Variants in AKAP7 observed in about 807,000 individuals in gnomAD.
AKAP7 encodes the protein A kinase (PRKA) anchor protein 7.
In AKAP7, 39 loss-of-function variants were observed where a neutral mutation model predicts 39.5. That is an observed-to-expected ratio of 0.99 (90% CI 0.76 to 1.29). The LOEUF (loss-of-function observed/expected upper bound fraction) is 1.29, where lower values mean the gene tolerates loss of function less well. Ranked by LOEUF, AKAP7 falls within the 50% of genes most tolerant of loss-of-function variation. AKAP7 has a pLI of 0.00. For synonymous variants in AKAP7, 140 were observed against 139.1 expected, an observed-to-expected ratio of 1.01 and a Z score of -0.05; for missense variants, 414 against 407.7, an observed-to-expected ratio of 1.02 and a Z score of -0.13.
chr6:131,223,533 T>C (rs560368171), intron 7 of AKAP7, among the ~76,000 whole-genome samples: 2 of 152,190 alleles, frequency 1.3e-5, no homozygotes, highest in African/African-American at 4.8e-5. Context: ...TTAAGGAGAA[T>C]TTTCATCTTT....
intron 7 of AKAP7, among the ~76,000 whole-genome samples, chr6:131,245,424 GT>G (rs1434316338): frequency 7.0e-6 from 1 of 142,410 alleles, no homozygotes; most frequent in African/African-American, 2.6e-5. Flanking sequence ...TTTTTTTTTT[GT>G]TTTTTTGTTT....
At chr6:131,237,164 CAT>C (rs1298658244) in intron 7 of AKAP7, among the ~76,000 whole-genome samples, 5 of 152,240 alleles carry the variant, frequency 3.3e-5, no homozygotes, top group South Asian at 2.1e-4. Context: ...TTAAGATAAT[CAT>C]GTGGTTTTTG....
rs1404358824 is a variant in AKAP7, at chr6:131,187,329, C to T, written c.590-12132C>T. ...AATGTTTCATAGTTTTCAGAATATGCATCTTTCACCTCCTTGGTTAAGTTT... is the reference window on the plus strand; with the variant it reads ...AATGTTTCATAGTTTTCAGAATATGTATCTTTCACCTCCTTGGTTAAGTTT... On this transcript the variant is annotated intron_variant, in intron 5 of 7. Transcript: ENST00000431975. Among the ~76,000 whole-genome samples the T allele has an allele frequency of 3.9e-5, 6 of 152,004 alleles. No individual in the cohort carries two copies. In the East Asian group the frequency reaches 9.6e-4, roughly 24 times the overall value.
rs1302122699 is a variant in AKAP7 at position 131,165,110 on chromosome 6, TG to T, written c.322del (p.Ala108GlnfsTer2). 1 of 1,611,032 alleles carries T rather than the reference TG, an allele frequency of 6.2e-7. No homozygotes were observed. The highest frequency in any genetic ancestry group is 1.3e-5 in the African/African-American group (1 of 74,828). On this transcript the variant is annotated frameshift_variant, in exon 4 of 8. Coordinates refer to ENST00000431975, the MANE Select transcript of AKAP7 (RefSeq NM_016377.4). LOFTEE classifies it high-confidence loss of function. ...IIKGIKILQN[A>X]IIQQDERLAK... is the part of the protein sequence containing the mutation. ...TAAAAGGAATTAAGATCCTGCAGAATGCAATAATACAACAAGATGAGCGACT... is the reference window on the plus strand; with the variant it reads ...TAAAAGGAATTAAGATCCTGCAGAATCAATAATACAACAAGATGAGCGACT...
At chr6:131,206,498 A>G (rs973500592) in intron 6 of AKAP7, among the ~76,000 whole-genome samples, 1 of 152,186 alleles carries the variant, frequency 6.6e-6, no homozygotes, top group African/African-American at 2.4e-5. Flanking sequence ...AGAAGAGGAT[A>G]TAGGACAGTC....
At chr6:131,133,314 T>A (rs891621287), upstream of AKAP7, among the ~76,000 whole-genome samples, 2 of 152,230 alleles carry the variant, frequency 1.3e-5, no homozygotes, top group African/African-American at 4.8e-5. Flanking sequence ...GGTGTTATCC[T>A]TTTATGATGT....
intron 6 of AKAP7, among the ~76,000 whole-genome samples, chr6:131,212,337 A>G (rs957916464): frequency 6.6e-6 from 1 of 152,230 alleles, no homozygotes; most frequent in Non-Finnish European, 1.5e-5. Context: ...TTCTTGCTCT[A>G]TCTGGAGAGA....
chr6:131,200,338 C>T (rs1807435908), intron 6 of AKAP7, among the ~76,000 whole-genome samples: 1 of 152,166 alleles, frequency 6.6e-6, no homozygotes, highest in African/African-American at 2.4e-5. Context: ...CTAGGGGGTT[C>T]CTCATGCAAA....
intron 5 of AKAP7, among the ~76,000 whole-genome samples, chr6:131,174,313 G>T (rs930007308): frequency 6.6e-6 from 1 of 152,158 alleles, no homozygotes; most frequent in African/African-American, 2.4e-5. Context: ...AATTATTGGG[G>T]ACTTACTGTG....
rs1323978985 is a variant in AKAP7, at chr6:131,180,841, T to C, written c.589+11568T>C. Reference sequence around the variant, plus strand: ...TCTTTTTTTGTTTGTTTTGTTTTTTTTTTTTTTAATACTTCTCTCAATGTA... The same window carrying C: ...TCTTTTTTTGTTTGTTTTGTTTTTTCTTTTTTTAATACTTCTCTCAATGTA... On this transcript the variant is annotated intron_variant, in intron 5 of 7. Transcript: ENST00000431975. Among the ~76,000 whole-genome samples the C allele has an allele frequency of 1.2e-4, 17 of 147,470 alleles. No individual in the cohort carries two copies. In the East Asian group the frequency reaches 2.9e-3, roughly 25 times the overall value.
chr6:131,219,673 AT>A lies in AKAP7; in HGVS notation c.716del (p.Ile239LysfsTer22), dbSNP rs1166910369. 3 of 1,595,996 alleles carry A rather than the reference AT, an allele frequency of 1.9e-6. No individual in the cohort carries two copies. The East Asian group carries it at 6.8e-5, about 36-fold the overall frequency. ...PWLRKNGVKKIDPDLYEKFIS... is the reference protein window; with the variant it reads ...PWLRKNGVKKXDPDLYEKFIS... Reference sequence around the variant, plus strand: ...TTTTCATTTCAAGGGAGTGAAAAAAATAGATCCTGATTTATATGAAAAGTTT... The same window carrying A: ...TTTTCATTTCAAGGGAGTGAAAAAAAAGATCCTGATTTATATGAAAAGTTT... On this transcript the variant is annotated frameshift_variant, in exon 7 of 8. Transcript: ENST00000431975. LOFTEE classifies it high-confidence loss of function.
chr6:131,177,913 G>A (rs1341415826), intron 5 of AKAP7, among the ~76,000 whole-genome samples: 2 of 152,192 alleles, frequency 1.3e-5, no homozygotes, highest in African/African-American at 4.8e-5. Context: ...TCCTCTAGGT[G>A]AAGGCTGCTC....
At chr6:131,234,918 T>A (rs994393453) in intron 7 of AKAP7, among the ~76,000 whole-genome samples, 13 of 152,036 alleles carry the variant, frequency 8.6e-5, no homozygotes, top group East Asian at 5.8e-4. Context: ...TTCTTTTTTT[T>A]ATTATACTTT....
intron 7 of AKAP7, among the ~76,000 whole-genome samples, chr6:131,228,508 T>G (rs952589537): frequency 2.0e-5 from 3 of 152,112 alleles, no homozygotes; most frequent in African/African-American, 7.2e-5. Context: ...TTTGTTGAGT[T>G]TTTACTTTAT....
chr6:131,201,291 T>C (rs1342211115), intron 6 of AKAP7, among the ~76,000 whole-genome samples: 1 of 152,174 alleles, frequency 6.6e-6, no homozygotes, highest in Non-Finnish European at 1.5e-5. Context: ...TAAATATGTA[T>C]TGAGTGCCTA....
At chr6:131,247,269 G>GTATATATATATATA (rs60033504) in intron 7 of AKAP7, among the ~76,000 whole-genome samples, 8 of 91,926 alleles carry the variant, frequency 8.7e-5, no homozygotes, top group Non-Finnish European at 1.2e-4. Context: ...CATTTCATAT[G>GTATATATATATATA]TATATATATA....
intron 7 of AKAP7, among the ~76,000 whole-genome samples, chr6:131,234,931 G>A (rs954325818): frequency 1.1e-4 from 17 of 150,700 alleles, no homozygotes; most frequent in Admixed American, 5.9e-4. Context: ...TATACTTTAC[G>A]TTTTAGGGTA....
chr6:131,140,168 G>T (rs749033388), intron 1 of AKAP7, among the ~76,000 whole-genome samples: 1 of 152,126 alleles, frequency 6.6e-6, no homozygotes, highest in Non-Finnish European at 1.5e-5. Context: ...CTTGCACATC[G>T]GAATTACTCT....
intron 7 of AKAP7, among the ~76,000 whole-genome samples, chr6:131,241,615 GTGTGTGTGTGTGTA>G (rs1483296212): frequency 6.9e-5 from 7 of 101,332 alleles, no homozygotes; most frequent in Non-Finnish European, 1.2e-4. Context: ...GTGTGTGTGT[GTGTGTGTGTGTGTA>G]TATATATATG....
Sources: gnomAD v4.1 joint callset for allele counts (sites outside exome capture counted in the v4.1 genomes callset) on GRCh38, gnomAD v4.1.1 for gene constraint, MANE v1.5 for transcripts, NCBI Gene and HGNC (gene_info 2026-07-23, HGNC 2026-07-21) for gene names.